Variants in CGNL1 observed in about 807,000 individuals in gnomAD.
The protein encoded by CGNL1 is cingulin-like protein 1.
Under a neutral mutation model 141.2 loss-of-function variants are expected in CGNL1, and 132 were observed. The ratio of observed to expected loss-of-function variants is 0.93; its 90% confidence interval spans 0.81 to 1.08. The LOEUF is 1.08. Ranked by LOEUF, CGNL1 falls within the 50% of genes least tolerant of loss-of-function variation. The probability of loss-of-function intolerance (pLI) is 0.00; values close to 1 mark genes in which losing one functional copy is unlikely to be tolerated. For synonymous variants in CGNL1, 690 were observed against 622.1 expected (o/e 1.11, Z -1.63); for missense variants, 1,870 against 1,588.6 (o/e 1.18, Z -3.01).
intron 1 of CGNL1, among the ~76,000 whole-genome samples, chr15:57,406,220 C>T (rs1256552523): frequency 1.3e-5 from 2 of 152,190 alleles, no homozygotes; most frequent in African/African-American, 4.8e-5. Flanking sequence ...AGGGTGAGAC[C>T]TGAAGGAGCC....
chr15:57,435,024 A>G (rs2152301105), intron 1 of CGNL1, among the ~76,000 whole-genome samples: 1 of 152,268 alleles, frequency 6.6e-6, no homozygotes, highest in East Asian at 1.9e-4. Flanking sequence ...GAGGTCACCA[A>G]ATTACCTGAT....
intron 1 of CGNL1, among the ~76,000 whole-genome samples, chr15:57,393,790 G>A (rs544288487): frequency 9.2e-5 from 14 of 152,180 alleles, no homozygotes; most frequent in Admixed American, 2.6e-4. Context: ...TATTATATCT[G>A]CAGATTTTGT....
chr15:57,544,622 T>C, intron 16 of CGNL1, 25 bp downstream of exon 16: 2 of 1,559,826 alleles, frequency 1.3e-6, no homozygotes, highest in Non-Finnish European at 8.7e-7. Flanking sequence ...CCCACTGCAG[T>C]GCGGAGGCCC....
chr15:57,463,741 C>A (rs1261189560), intron 8 of CGNL1, among the ~76,000 whole-genome samples: 2 of 152,244 alleles, frequency 1.3e-5, no homozygotes, highest in Non-Finnish European at 1.5e-5. Context: ...GAAGTCCCTT[C>A]TCTGCCTAAC....
At chr15:57,412,486 G>A (rs538825905) in intron 1 of CGNL1, among the ~76,000 whole-genome samples, 2 of 152,280 alleles carry the variant, frequency 1.3e-5, no homozygotes, top group South Asian at 4.1e-4. Flanking sequence ...AATATGAGAT[G>A]GCATCTTTGA....
chr15:57,509,095 A>G (rs980568466), intron 8 of CGNL1, among the ~76,000 whole-genome samples: 4 of 152,154 alleles, frequency 2.6e-5, no homozygotes, highest in Non-Finnish European at 4.4e-5. Context: ...GGGACGCATT[A>G]TTGTGACCCG....
intron 10 of CGNL1, among the ~76,000 whole-genome samples, chr15:57,521,255 C>A (rs1458036040): frequency 5.9e-5 from 9 of 152,108 alleles, no homozygotes; most frequent in African/African-American, 2.2e-4. Context: ...AGGAGGAAGA[C>A]CGTTGTTCTA....
At chr15:57,435,407 G>GTTTTTTT (rs1249529527) in intron 1 of CGNL1, among the ~76,000 whole-genome samples, 2 of 96,864 alleles carry the variant, frequency 2.1e-5, no homozygotes, top group African/African-American at 3.7e-5. Context: ...AAATTTGCAG[G>GTTTTTTT]TTTTTTTGTT....
At chr15:57,528,498 A>G (rs1421194598) in intron 12 of CGNL1, among the ~76,000 whole-genome samples, 156 bp from the exon 13 acceptor site, 2 of 152,164 alleles carry the variant, frequency 1.3e-5, no homozygotes, top group African/African-American at 2.4e-5. Flanking sequence ...AGTAAGGCCC[A>G]GAGGGAGGTA....
At chr15:57,518,542 A>G (rs1402632833) in intron 10 of CGNL1, 45 bp downstream of exon 10, 15 of 1,298,502 alleles carry the variant, frequency 1.2e-5, no homozygotes, top group East Asian at 2.4e-5. Context: ...AGAAGAATGC[A>G]TAGAGACGCA....
At chr15:57,488,359 T>G (rs1270592470) in intron 8 of CGNL1, among the ~76,000 whole-genome samples, 2 of 152,230 alleles carry the variant, frequency 1.3e-5, no homozygotes, top group Non-Finnish European at 2.9e-5. Flanking sequence ...TCTTTTCACT[T>G]TTTAAATGCT....
At chr15:57,464,495 G>A (rs920568128) in intron 8 of CGNL1, among the ~76,000 whole-genome samples, 19 of 152,082 alleles carry the variant, frequency 1.2e-4, no homozygotes, top group African/African-American at 3.9e-4. Flanking sequence ...ACATCCGTGC[G>A]GTGTCTGGCA....
intron 8 of CGNL1, among the ~76,000 whole-genome samples, chr15:57,468,225 T>TTTC (rs1244934328): frequency 4.2e-5 from 3 of 72,234 alleles, no homozygotes; most frequent in African/African-American, 1.3e-4. Flanking sequence ...TTTCTTTTCT[T>TTTC]TTCTTTTTCT....
At chr15:57,531,094 T>G (rs1168459329) in intron 13 of CGNL1, among the ~76,000 whole-genome samples, 1 of 152,240 alleles carries the variant, frequency 6.6e-6, no homozygotes, top group Non-Finnish European at 1.5e-5. Context: ...TCAATTAGGT[T>G]AGATTAGGAG....
At chr15:57,535,934 C>G (rs1222648270) in intron 14 of CGNL1, among the ~76,000 whole-genome samples, 1 of 152,178 alleles carries the variant, frequency 6.6e-6, no homozygotes, top group Non-Finnish European at 1.5e-5. Context: ...TTGGCACTCA[C>G]TAAATGCTGG....
Position 57,544,588 on chromosome 15 carries a change from G to A in CGNL1, c.3491G>A (p.Ser1164Asn), listed in dbSNP as rs759075320. ...GCGGAGCTGGAGGACCGCCTGGAGA[G>A]TGAGGAGAGGTGAGCCGGGCCCACC... ...RIAELEDRLE[S>N]EERDRANLQL... The change falls in exon 16 of 19, where the codon AGT (serine) becomes AAT (asparagine). Residue 1164 changes from serine (S) to asparagine (N), a missense_variant. Ser to Asn is a conservative substitution (Grantham distance 46). Transcript: ENST00000281282. The A allele has an allele frequency of 2.5e-6, 4 of 1,578,074 alleles. No homozygotes were observed. The South Asian group carries it at 4.6e-5, about 18-fold the overall frequency.
At chr15:57,480,877 G>A (rs1385192812) in intron 8 of CGNL1, among the ~76,000 whole-genome samples, 3 of 152,070 alleles carry the variant, frequency 2.0e-5, no homozygotes, top group Admixed American at 6.6e-5. Context: ...GTTGGTTTAG[G>A]CCATCCCCCT....
At chr15:57,516,576 G>A (rs551523562) in intron 8 of CGNL1, among the ~76,000 whole-genome samples, 2 of 152,334 alleles carry the variant, frequency 1.3e-5, no homozygotes, top group Non-Finnish European at 2.9e-5. Context: ...GAAGGGCGTG[G>A]CTATGTTCCA....
chr15:57,425,760 T>A (rs536668368), intron 1 of CGNL1, among the ~76,000 whole-genome samples: 3 of 132,234 alleles, frequency 2.3e-5, no homozygotes, highest in African/African-American at 5.6e-5. Flanking sequence ...AAAAAAAAAA[T>A]CCGCATTCAT....
Sources: gnomAD v4.1 joint callset for allele counts (sites outside exome capture counted in the v4.1 genomes callset) on GRCh38, gnomAD v4.1.1 for gene constraint, MANE v1.5 for transcripts, NCBI Gene and HGNC (gene_info 2026-07-23, HGNC 2026-07-21) for gene names.